The following EZH2 variants were observed in gnomAD, a reference collection of about 807,000 sequenced individuals.
EZH2 encodes the protein histone-lysine N-methyltransferase EZH2.
A neutral mutation model predicts 98.4 loss-of-function variants in EZH2; 18 were observed. The ratio of observed to expected loss-of-function variants is 0.18; its 90% CI spans 0.13 to 0.27. The LOEUF (loss-of-function observed/expected upper bound fraction) is 0.27. Ranked by LOEUF, EZH2 falls within the 10% of genes least tolerant of loss-of-function variation. EZH2 has a pLI of 1.00. For synonymous variants in EZH2, 338 were observed against 312.3 expected, an observed-to-expected ratio of 1.08 and a Z score of -0.87; for missense variants, 470 against 935.1, an observed-to-expected ratio of 0.50 and a Z score of 6.49.
chr7:148,813,079 AC>A (rs569941780), intron 15 of EZH2, among the ~76,000 whole-genome samples: 362 of 152,028 alleles, frequency 2.4e-3, no homozygotes, highest in African/African-American at 8.5e-3. Context: ...ACACACACAC[AC>A]ACACAGAGCA....
Position 148,813,841 on chromosome 7 carries a change from C to T in EZH2, c.1851+118G>A. ...ATTATGAACACTTTCTCATCAGTTG[C>T]ACCTTTCAAGGATCACTTTTACTTT... On this transcript the variant is annotated intron_variant, in intron 15 of 19. Transcript: ENST00000320356. 3.8e-6 allele frequency: 4 copies of T among 1,045,414 alleles called. No individual in the cohort carries two copies. The South Asian group carries it at 4.9e-5, about 13-fold the overall frequency. The allele number at this position is 1,045,414 out of a possible 1,614,324, so 64.8% of individuals were successfully genotyped here. A position where few individuals can be genotyped will look rare whatever the true frequency, so the allele number is the denominator to read the frequency against.
chr7:148,870,050 T>C (rs1231006580), intron 1 of EZH2, among the ~76,000 whole-genome samples: 1 of 152,186 alleles, frequency 6.6e-6, no homozygotes, highest in Non-Finnish European at 1.5e-5. Context: ...AGACCCTGTC[T>C]CTATTTTTCA....
At chr7:148,865,236 C>T (rs1818279317) in intron 1 of EZH2, among the ~76,000 whole-genome samples, 1 of 151,718 alleles carries the variant, frequency 6.6e-6, no homozygotes, top group African/African-American at 2.4e-5. Flanking sequence ...TGAATAAAAG[C>T]AAACAAAATG....
intron 1 of EZH2, among the ~76,000 whole-genome samples, chr7:148,878,332 C>T (rs1270599287): frequency 1.3e-5 from 2 of 152,186 alleles, no homozygotes; most frequent in African/African-American, 2.4e-5. Context: ...GTTGCCTCTT[C>T]TAACTACCTC....
chr7:148,857,894 G>A (rs1465625635), intron 1 of EZH2, among the ~76,000 whole-genome samples: 1 of 151,514 alleles, frequency 6.6e-6, no homozygotes, highest in Non-Finnish European at 1.5e-5. Context: ...AGTGATAACA[G>A]AAACAAATTT....
chr7:148,815,403 A>C lies in EZH2; in HGVS notation c.1546+103T>G, dbSNP rs1804280671. ...TTGGTTTAACATACAGAAGGCAATT[A>C]TATTAGAATAACCCAAGCTCTAATC... On this transcript the variant is annotated intron_variant, in intron 13 of 19. Transcript: ENST00000320356. 3 of 1,215,042 alleles carry C rather than the reference A, an allele frequency of 2.5e-6. No individual in the cohort carries two copies. The African/African-American group carries it at 4.5e-5, about 18-fold the overall frequency. 75.3% of individuals were successfully genotyped at this position (1,215,042 alleles called of 1,614,324 possible).
At chr7:148,813,663 AATCT>A (rs1803796912) in intron 15 of EZH2, among the ~76,000 whole-genome samples, 1 of 151,950 alleles carries the variant, frequency 6.6e-6, no homozygotes, top group African/African-American at 2.4e-5. Context: ...AAATTCAAAT[AATCT>A]ATTAAACAGG....
At chr7:148,836,412 G>A (rs2129480216) in intron 3 of EZH2, among the ~76,000 whole-genome samples, 1 of 152,182 alleles carries the variant, frequency 6.6e-6, no homozygotes, top group Non-Finnish European at 1.5e-5. Flanking sequence ...AAACAAACGT[G>A]GGATTCTTAT....
In EZH2 at chr7:148,834,337, T is replaced by TTATA. The variant is rs746918834; in HGVS notation, c.247-1591_247-1588dup. 5.9e-3 allele frequency among the ~76,000 whole-genome samples: 848 copies of TTATA among 142,756 alleles called. 7 individuals carry two copies. Among genetic ancestry groups the TTATA allele is most frequent in the African/African-American group, 0.017 (618 of 35,740 alleles). The allele number at this position is 142,756 out of a possible 152,430, so 93.7% of individuals were successfully genotyped here. On this transcript the variant is annotated intron_variant, in intron 3 of 19. Coordinates refer to ENST00000320356, the MANE Select transcript of EZH2 (RefSeq NM_004456.5). ...GTAGTAAAATGAAACTGAAAAATCA[T>TTATA]TATATATATATATATACACACACAC...
At chr7:148,823,716 T>C (rs1214736815) in intron 8 of EZH2, among the ~76,000 whole-genome samples, 1 of 151,640 alleles carries the variant, frequency 6.6e-6, no homozygotes, top group Non-Finnish European at 1.5e-5. Flanking sequence ...AGTGGCATGA[T>C]CATAGCTCAC....
At chr7:148,869,338 CTTTTTT>C (rs143589780) in intron 1 of EZH2, among the ~76,000 whole-genome samples, 5 of 80,288 alleles carry the variant, frequency 6.2e-5, no homozygotes, top group Non-Finnish European at 9.2e-5. Context: ...CAGCAATAGC[CTTTTTT>C]TTTTTTTTTT....
chr7:148,850,145 A>C (rs1054409445), intron 1 of EZH2, among the ~76,000 whole-genome samples: 57 of 152,108 alleles, frequency 3.7e-4, no homozygotes, highest in African/African-American at 1.4e-3. Flanking sequence ...CAGCCTCCCA[A>C]GTAGGTGGGA....
intron 1 of EZH2, among the ~76,000 whole-genome samples, chr7:148,861,262 T>C (rs1294760685): frequency 6.6e-6 from 1 of 151,086 alleles, no homozygotes; most frequent in African/African-American, 2.4e-5. Context: ...AGTCTCACTC[T>C]GTCACCCAGG....
chr7:148,814,213 G>A (rs1803933442), intron 14 of EZH2, 76 bp from the exon 15 acceptor site: 3 of 1,355,200 alleles, frequency 2.2e-6, no homozygotes, highest in Non-Finnish European at 3.1e-6. Flanking sequence ...GGCAAGGGCT[G>A]TACTGGGCAT....
chr7:148,861,771 G>A (rs1817698991), intron 1 of EZH2, among the ~76,000 whole-genome samples: 1 of 145,118 alleles, frequency 6.9e-6, no homozygotes, highest in Non-Finnish European at 1.5e-5. Flanking sequence ...AGGAGTTTCA[G>A]ACCAGCCTGA....
intron 11 of EZH2, 76 bp downstream of exon 11, chr7:148,817,146 C>A: frequency 7.2e-7 from 1 of 1,387,150 alleles, no homozygotes; most frequent in South Asian, 1.5e-5. Context: ...CAAGAATTTT[C>A]TTTGTTTGGA....
chr7:148,835,591 C>T (rs114840923), intron 3 of EZH2, among the ~76,000 whole-genome samples: 7,293 of 151,860 alleles, frequency 0.048, 265 homozygotes, highest in Middle Eastern at 0.082. Flanking sequence ...ATTACTGATA[C>T]TGATAGTATC....
At chr7:148,829,472 A>G (rs1034947413) in intron 5 of EZH2, among the ~76,000 whole-genome samples, 12 of 152,204 alleles carry the variant, frequency 7.9e-5, no homozygotes, top group Non-Finnish European at 1.3e-4. Context: ...TTTAATTTAC[A>G]TGTTATTGCC....
chr7:148,832,096 CTTTTGT>C (rs1451159587), intron 4 of EZH2, among the ~76,000 whole-genome samples: 1 of 151,998 alleles, frequency 6.6e-6, no homozygotes, highest in Non-Finnish European at 1.5e-5. Flanking sequence ...AGCTTCATTC[CTTTTGT>C]TTTTTTCAGA....
Sources: gnomAD v4.1 joint callset for allele counts (sites outside exome capture counted in the v4.1 genomes callset) on GRCh38, gnomAD v4.1.1 for gene constraint, MANE v1.5 for transcripts, NCBI Gene and HGNC (gene_info 2026-07-23, HGNC 2026-07-21) for gene names.